The following CNOT4 variants were observed in gnomAD, a reference collection of about 807,000 sequenced individuals.
The protein encoded by CNOT4 is CCR4-associated factor 4.
A neutral mutation model predicts 73.8 loss-of-function variants in CNOT4; 8 were observed. The observed-to-expected ratio is 0.11, with a 90% CI of 0.06 to 0.20. The LOEUF is 0.20. CNOT4 is among the 10% of genes least tolerant of loss of function. CNOT4 has a pLI of 1.00. For synonymous variants in CNOT4, 293 were observed against 321.1 expected (o/e 0.91, Z 0.94); for missense variants, 564 against 883.4 (o/e 0.64, Z 4.58).
intron 1 of CNOT4, among the ~76,000 whole-genome samples, chr7:135,488,055 C>T (rs1472780103): frequency 2.7e-5 from 4 of 150,630 alleles, no homozygotes; most frequent in African/African-American, 4.9e-5. Flanking sequence ...AGTGAGACTC[C>T]GAGACTCCGT....
In CNOT4 at chr7:135,394,212, T is replaced by C. The variant is rs376653608; in HGVS notation, c.1333A>G (p.Thr445Ala). Residue 445 changes from threonine to alanine, a missense_variant, in exon 10 of 12, where the codon ACC becomes GCC. Thr to Ala is a moderately conservative substitution (Grantham distance 58, BLOSUM62 0). Around this residue, in one of 10 missense-constraint regions of CNOT4, gnomAD observed 153 missense variants for 158.7 expected, o/e 0.96. Transcript: ENST00000541284. ...SLQNSSSHTTTAKGPGSGFLH... is the reference protein window; with the variant it reads ...SLQNSSSHTTAAKGPGSGFLH... ...AATCCAGAGCCTGGACCTTTGGCGG[T>C]TGTAGTGTGTGAAGAGGAGTTCTGA... is the stretch of plus-strand genomic sequence containing the variant. The C allele has an allele frequency of 3.2e-5, 52 of 1,614,038 alleles. No individual in the cohort carries two copies. In the African/African-American group the frequency reaches 3.3e-4, roughly 10 times the overall value.
chr7:135,372,079 C>G (rs59795087), intron 10 of CNOT4, among the ~76,000 whole-genome samples: 5,349 of 152,250 alleles, frequency 0.035, 321 homozygotes, highest in African/African-American at 0.12. Context: ...AAACAAATGA[C>G]AAAATTGCAG....
Position 135,438,312 on chromosome 7 carries a change from G to A in CNOT4, c.20C>T (p.Ala7Val), listed in dbSNP as rs17480616. ...AGGGCACTCCACAGGGTCTTCCTTCGCATCAGGACTGCGAGACATCTTCAC... is the reference window on the plus strand; with the variant it reads ...AGGGCACTCCACAGGGTCTTCCTTCACATCAGGACTGCGAGACATCTTCAC... MSRSPD[A>V]KEDPVECPLC... The change falls in exon 2 of 12, where the codon GCG becomes GTG. Residue 7 changes from alanine (A) to valine (V), a missense_variant. By Grantham distance (64) the Ala-to-Val change is moderately conservative. Coordinates refer to ENST00000541284, the MANE Select transcript of CNOT4 (RefSeq NM_001190850.2). The A allele has an allele frequency of 1.1e-5, 17 of 1,608,588 alleles. No individual in the cohort carries two copies. Among genetic ancestry groups the A allele is most frequent in the East Asian group, 8.9e-5 (4 of 44,784 alleles).
At chr7:135,367,076 T>C (rs1165404630) in intron 10 of CNOT4, among the ~76,000 whole-genome samples, 2 of 152,120 alleles carry the variant, frequency 1.3e-5, no homozygotes. Flanking sequence ...TTTAGCAGCA[T>C]TGCCGGCCTC....
chr7:135,457,564 A>C lies in CNOT4; in HGVS notation c.-92-19141T>G, dbSNP rs559844203. ...AGAATAATAAATTAATAGGATTTTG[A>C]GATAAGTTCTATTTTAATTTTTCCA... On this transcript the variant is annotated intron_variant, in intron 1 of 11. Coordinates refer to ENST00000541284, the MANE Select transcript of CNOT4 (RefSeq NM_001190850.2). Among the ~76,000 whole-genome samples the C allele has an allele frequency of 1.1e-3, 166 of 152,154 alleles. 1 individual carries two copies. Among genetic ancestry groups the C allele is most frequent in the African/African-American group, 3.8e-3 (157 of 41,540 alleles).
intron 10 of CNOT4, among the ~76,000 whole-genome samples, chr7:135,375,443 G>A (rs891361214): frequency 6.6e-6 from 1 of 152,134 alleles, no homozygotes; most frequent in Non-Finnish European, 1.5e-5. Flanking sequence ...TCCCTACCTA[G>A]CAAAGTACGA....
At chr7:135,374,632 A>T (rs1164460319) in intron 10 of CNOT4, among the ~76,000 whole-genome samples, 1 of 26,694 alleles carries the variant, frequency 3.7e-5, no homozygotes. Flanking sequence ...ACTATTCTTA[A>T]ATTAAAACTC....
intron 1 of CNOT4, among the ~76,000 whole-genome samples, chr7:135,494,416 G>A (rs1020725771): frequency 1.4e-5 from 2 of 143,890 alleles, no homozygotes; most frequent in Non-Finnish European, 3.0e-5. Context: ...GTTTCAGGGA[G>A]CCGAGATCGC....
chr7:135,509,775 G>A (rs1265086540), intron 1 of CNOT4, 114 bp downstream of exon 1: 16 of 349,112 alleles, frequency 4.6e-5, no homozygotes, highest in Non-Finnish European at 4.1e-5. Context: ...GTGAAGATGA[G>A]GCGGGGGGTG....
rs532906579 is a variant in CNOT4 at position 135,424,123 on chromosome 7, TTTTAA to T, written c.175-1775_175-1771del. ...ATTAAAACATAAATTATTTCTTGCATTTTAATTTAAGGAACCAAACAGTTAAAGAT... is the reference window on the plus strand; with the variant it reads ...ATTAAAACATAAATTATTTCTTGCATTTTAAGGAACCAAACAGTTAAAGAT... On this transcript the variant is annotated intron_variant, in intron 2 of 11. Transcript: ENST00000541284. Among the ~76,000 whole-genome samples, 104 of 151,840 alleles carry T rather than the reference TTTTAA, an allele frequency of 6.8e-4. 1 individual carries two copies. The highest frequency in any genetic ancestry group is 2.4e-3 in the African/African-American group (101 of 41,422).
At chr7:135,485,395 A>G (rs1296256633) in intron 1 of CNOT4, among the ~76,000 whole-genome samples, 3 of 152,142 alleles carry the variant, frequency 2.0e-5, no homozygotes, top group Non-Finnish European at 4.4e-5. Flanking sequence ...AGATATAGAT[A>G]AACATATTCT....
chr7:135,388,375 G>GACATT (rs1796229267), intron 10 of CNOT4: 2 of 984,278 alleles, frequency 2.0e-6, no homozygotes, highest in South Asian at 9.4e-5. Flanking sequence ...GAATGCAATA[G>GACATT]ACATTATCTT....
At chr7:135,416,434 A>T (rs1000966227) in intron 3 of CNOT4, among the ~76,000 whole-genome samples, 1 of 152,152 alleles carries the variant, frequency 6.6e-6, no homozygotes, top group Non-Finnish European at 1.5e-5. Flanking sequence ...TTAGAAGGTG[A>T]GGTAATTACA....
intron 1 of CNOT4, among the ~76,000 whole-genome samples, chr7:135,477,774 A>C (rs1321500497): frequency 6.6e-6 from 1 of 152,234 alleles, no homozygotes; most frequent in Admixed American, 6.5e-5. Flanking sequence ...TAGTATAACA[A>C]AAACAAACTC....
At chr7:135,479,053 G>C (rs187480590) in intron 1 of CNOT4, among the ~76,000 whole-genome samples, 1 of 152,262 alleles carries the variant, frequency 6.6e-6, no homozygotes, top group Non-Finnish European at 1.5e-5. Context: ...CATAGAGCCA[G>C]TATATTTGTA....
intron 1 of CNOT4, among the ~76,000 whole-genome samples, chr7:135,442,701 A>G (rs1463965383): frequency 2.6e-5 from 4 of 152,246 alleles, no homozygotes; most frequent in African/African-American, 9.6e-5. Flanking sequence ...AAGGGCAAGA[A>G]AAGCCAATGA....
At chr7:135,447,749 A>C (rs1799917400) in intron 1 of CNOT4, among the ~76,000 whole-genome samples, 2 of 152,226 alleles carry the variant, frequency 1.3e-5, no homozygotes, top group Non-Finnish European at 2.9e-5. Flanking sequence ...GAGATTCAAA[A>C]TACAGGCTAA....
intron 10 of CNOT4, among the ~76,000 whole-genome samples, chr7:135,378,666 G>A (rs1795660989): frequency 6.6e-6 from 1 of 151,874 alleles, no homozygotes. Flanking sequence ...TCAGTAGACT[G>A]ATGGAGAGAG....
intron 10 of CNOT4, among the ~76,000 whole-genome samples, chr7:135,372,989 C>T (rs1352095725): frequency 2.0e-5 from 3 of 152,012 alleles, no homozygotes; most frequent in African/African-American, 7.2e-5. Context: ...TTTGACTATG[C>T]AATAATAAAT....
Sources: gnomAD v4.1 joint callset for allele counts (sites outside exome capture counted in the v4.1 genomes callset) on GRCh38, gnomAD v4.1.1 for gene constraint, gnomAD v4.1.1 regional missense constraint, MANE v1.5 for transcripts, NCBI Gene and HGNC (gene_info 2026-07-23, HGNC 2026-07-21) for gene names.